The following PHLPP2 variants were observed in gnomAD, a reference collection of about 807,000 sequenced individuals.
PHLPP2 encodes PH domain and leucine rich repeat protein phosphatase 2, also known as PH domain leucine-rich repeat-containing protein phosphatase 2.
In PHLPP2, 66 loss-of-function variants were observed where a neutral mutation model predicts 124.9. The ratio of observed to expected loss-of-function variants is 0.53; its 90% CI spans 0.43 to 0.65. The LOEUF is 0.65. Among genes scored for constraint, PHLPP2 ranks in the 30% least tolerant of loss-of-function variants. The pLI, the probability that PHLPP2 is intolerant of heterozygous loss-of-function variation, is 0.00. For synonymous variants in PHLPP2, 681 were observed against 624.7 expected, an observed-to-expected ratio of 1.09 and a Z score of -1.34; for missense variants, 1,685 against 1,600.4, an observed-to-expected ratio of 1.05 and a Z score of -0.90.
At chr16:71,705,338 T>C (rs1022760591) in intron 2 of PHLPP2, among the ~76,000 whole-genome samples, 3 of 152,134 alleles carry the variant, frequency 2.0e-5, no homozygotes, top group African/African-American at 7.2e-5. Flanking sequence ...CAACAAACAA[T>C]TATACTTTCA....
At chr16:71,662,291 G>A (rs950415005) in intron 13 of PHLPP2, among the ~76,000 whole-genome samples, 3 of 152,046 alleles carry the variant, frequency 2.0e-5, no homozygotes, top group African/African-American at 7.2e-5. Context: ...TTAGCCAGGT[G>A]TGGTGGCACA....
Position 71,684,525 on chromosome 16 carries a change from C to G in PHLPP2, c.686G>C (p.Ser229Thr). 6.2e-7 allele frequency: 1 copy of G among 1,613,950 alleles called. No individual in the cohort carries two copies. The highest frequency in any genetic ancestry group is 8.5e-7 in the Non-Finnish European group (1 of 1,179,984). ...CTGGTACTCGGCCAAAGTCTCGAAG[C>G]TGACATGATAGGTCTGAGCTTGGGC... ...AGAQAQTYHV[S>T]FETLAEYQRW... The change falls in exon 5 of 19, where the codon AGC (serine) becomes ACC (threonine). Residue 229 changes from serine (S) to threonine (T), a missense_variant. Coordinates refer to ENST00000568954, the MANE Select transcript of PHLPP2 (RefSeq NM_015020.3).
chr16:71,706,711 G>A (rs2045276583), intron 2 of PHLPP2, among the ~76,000 whole-genome samples: 1 of 152,064 alleles, frequency 6.6e-6, no homozygotes, highest in South Asian at 2.1e-4. Flanking sequence ...GAGATTCAGA[G>A]TCACACAATT....
chr16:71,654,047 T>A (rs777379416), intron 17 of PHLPP2, among the ~76,000 whole-genome samples: 2 of 151,696 alleles, frequency 1.3e-5, no homozygotes, highest in African/African-American at 4.8e-5. Flanking sequence ...TACAAAAAAT[T>A]AGCCGGGTGA....
intron 12 of PHLPP2, 113 bp downstream of exon 12, chr16:71,667,065 C>T: frequency 1.2e-6 from 1 of 843,256 alleles, no homozygotes; most frequent in Non-Finnish European, 1.8e-6. Context: ...CATAGTTGGA[C>T]TATTAGGTAA....
chr16:71,703,547 C>T lies in PHLPP2; in HGVS notation c.285-816G>A, dbSNP rs144507442. 2.0e-5 allele frequency among the ~76,000 whole-genome samples: 3 copies of T among 152,110 alleles called. No homozygotes were observed. In the East Asian group the frequency reaches 5.8e-4, roughly 29 times the overall value. ...TGAATGTGCATTTTGATAGAAGGGG[C>T]TATAATAGTCATAATAGCAAGACAG... On this transcript the variant is annotated intron_variant, in intron 2 of 18. Coordinates refer to ENST00000568954, the MANE Select transcript of PHLPP2 (RefSeq NM_015020.3).
At chr16:71,704,325 A>AAC (rs2045258058) in intron 2 of PHLPP2, among the ~76,000 whole-genome samples, 1 of 150,698 alleles carries the variant, frequency 6.6e-6, no homozygotes. Context: ...AAAAAAAAAA[A>AAC]CTTAATAATT....
intron 1 of PHLPP2, among the ~76,000 whole-genome samples, chr16:71,719,769 A>T (rs937887729): frequency 6.6e-6 from 1 of 151,690 alleles, no homozygotes; most frequent in Non-Finnish European, 1.5e-5. Flanking sequence ...GCCATGAATT[A>T]AATACCCACT....
intron 3 of PHLPP2, among the ~76,000 whole-genome samples, chr16:71,701,302 ATCTATCTATC>A (rs2045230925): frequency 2.2e-5 from 2 of 91,356 alleles, no homozygotes; most frequent in Non-Finnish European, 4.2e-5. Flanking sequence ...CTATCTATCT[ATCTATCTATC>A]TATATATCTA....
At chr16:71,665,694 C>T (rs1358387549) in intron 12 of PHLPP2, among the ~76,000 whole-genome samples, 2 of 152,158 alleles carry the variant, frequency 1.3e-5, no homozygotes, top group Non-Finnish European at 2.9e-5. Context: ...ACTGACAGTT[C>T]GCTACAGCTA....
intron 14 of PHLPP2, 55 bp downstream of exon 14, chr16:71,658,598 T>C: frequency 6.6e-7 from 1 of 1,526,498 alleles, no homozygotes; most frequent in Non-Finnish European, 9.0e-7. Context: ...AATAATGTCA[T>C]TCACTCTCCT....
rs1329395598 is a variant in PHLPP2 at position 71,645,521 on chromosome 16, A to G, written c.*3369T>C. On this transcript the variant is annotated 3_prime_UTR_variant, in exon 19 of 19. Transcript: ENST00000568954. ...CTCCCTTATGGAGGTCTCTTCATTA[A>G]TAATTATTGGATAGATAGAGAAGGT... 4 of 152,620 alleles carry G rather than the reference A, an allele frequency of 2.6e-5. No individual in the cohort carries two copies. The highest frequency in any genetic ancestry group is 7.2e-5 in the African/African-American group (3 of 41,454). 9.5% of individuals were successfully genotyped at this position (152,620 alleles called of 1,614,324 possible).
intron 13 of PHLPP2, 108 bp from the exon 14 acceptor site, chr16:71,658,923 C>T: frequency 2.2e-6 from 2 of 907,294 alleles, no homozygotes; most frequent in South Asian, 1.6e-5. Context: ...CGGTCCACTG[C>T]CAGATGACTG....
At chr16:71,710,292 C>T (rs750259539) in intron 2 of PHLPP2, among the ~76,000 whole-genome samples, 1 of 152,136 alleles carries the variant, frequency 6.6e-6, no homozygotes, top group Non-Finnish European at 1.5e-5. Flanking sequence ...TTTAGTTTCA[C>T]CACCAGATGA....
At chr16:71,666,048 C>T (rs756142669) in intron 12 of PHLPP2, 48 of 152,246 alleles carry the variant, frequency 3.2e-4, no homozygotes, top group South Asian at 6.2e-4. Flanking sequence ...GACAATATTG[C>T]TTTCTCCACG....
chr16:71,662,849 C>T (rs375492165), intron 13 of PHLPP2, among the ~76,000 whole-genome samples: 1 of 145,504 alleles, frequency 6.9e-6, no homozygotes, highest in African/African-American at 2.5e-5. Context: ...GTAATGAGAT[C>T]CCATCTCTTA....
intron 3 of PHLPP2, among the ~76,000 whole-genome samples, chr16:71,697,848 ATTT>A (rs142040816): frequency 3.4e-5 from 4 of 119,024 alleles, no homozygotes; most frequent in Non-Finnish European, 1.7e-5. Flanking sequence ...AGGAAGTAGG[ATTT>A]TTTTTTTTTT....
intron 3 of PHLPP2, chr16:71,698,653 C>A: frequency 1.7e-6 from 1 of 572,832 alleles, no homozygotes; most frequent in Non-Finnish European, 3.3e-6. Flanking sequence ...AGCCATTGTA[C>A]ACTGGGCCTC....
At chr16:71,702,473 T>A in intron 3 of PHLPP2, 125 bp downstream of exon 3, 1 of 689,278 alleles carries the variant, frequency 1.5e-6, no homozygotes, top group Non-Finnish European at 2.4e-6. Flanking sequence ...TGGTGTTAAC[T>A]ACGTTAGTTA....
Sources: allele counts gnomAD v4.1 joint callset (sites outside exome capture counted in the v4.1 genomes callset), GRCh38; gene constraint gnomAD v4.1.1; transcripts MANE v1.5; gene names NCBI Gene and HGNC (gene_info 2026-07-23, HGNC 2026-07-21).